Variants in NEDD4L observed in about 807,000 individuals in gnomAD.
NEDD4L encodes the protein E3 ubiquitin-protein ligase NEDD4-like.
NEDD4L carries 54 observed loss-of-function variants against 148.9 expected under a neutral mutation model. The ratio of observed to expected loss-of-function variants is 0.36; its 90% CI spans 0.29 to 0.45. The LOEUF (loss-of-function observed/expected upper bound fraction) is 0.45, where lower values mean the gene tolerates loss of function less well. Among genes scored for constraint, NEDD4L ranks in the 20% least tolerant of loss-of-function variants. The pLI, the probability that NEDD4L is intolerant of heterozygous loss-of-function variation, is 1.00. For synonymous variants in NEDD4L, 433 were observed against 440.7 expected (o/e 0.98, Z 0.22); for missense variants, 856 against 1,233.8 (o/e 0.69, Z 4.59).
At chr18:58,374,918 T>TA (rs1459178281) in intron 24 of NEDD4L, among the ~76,000 whole-genome samples, 1 of 152,124 alleles carries the variant, frequency 6.6e-6, no homozygotes, top group Non-Finnish European at 1.5e-5. Context: ...ACCAGCCTCT[T>TA]ATCTCAGGCC....
chr18:58,270,093 CA>C (rs1459287736), intron 5 of NEDD4L, among the ~76,000 whole-genome samples: 1 of 152,150 alleles, frequency 6.6e-6, no homozygotes, highest in East Asian at 1.9e-4. Flanking sequence ...TCTTGTGTGC[CA>C]ATACCACTTT....
At chr18:58,276,708 AT>A (rs202224942) in intron 5 of NEDD4L, among the ~76,000 whole-genome samples, 36,926 of 149,572 alleles carry the variant, frequency 0.25, 5,475 homozygotes, top group African/African-American at 0.41. Context: ...TATTATTATT[AT>A]TATTAATAAA....
Position 58,365,633 on chromosome 18 carries a change from T to A in NEDD4L, c.1834-366T>A, listed in dbSNP as rs183426286. On this transcript the variant is annotated intron_variant, in intron 20 of 30. Transcript: ENST00000400345. ...TGGCCAGGTGGGGATTATTACAGGT[T>A]TTGACTACCTGGGCTAAAGTCTCTT... Among the ~76,000 whole-genome samples the A allele has an allele frequency of 7.3e-4, 111 of 152,310 alleles. 3 individuals carry two copies. The East Asian group carries it at 0.019, about 25-fold the overall frequency.
chr18:58,368,448 A>C (rs1042273205), intron 22 of NEDD4L, among the ~76,000 whole-genome samples: 1 of 152,228 alleles, frequency 6.6e-6, no homozygotes, highest in South Asian at 2.1e-4. Flanking sequence ...GAGACTTCTA[A>C]AAGATTTGGC....
At position 58,343,546 on chromosome 18, in the gene NEDD4L, A is replaced by G. The variant is rs537741476; in HGVS notation, c.1575+443A>G. Among the ~76,000 whole-genome samples the G allele has an allele frequency of 9.3e-4, 142 of 152,306 alleles. 3 individuals carry two copies. In the South Asian group the frequency reaches 0.028, roughly 30 times the overall value. ...TGTCGCTTTAGTTTTTACCGTTCAC[A>G]TCAGATCAGTATTCACACATCTGAG... On this transcript the variant is annotated intron_variant, in intron 16 of 30. Coordinates refer to ENST00000400345, the MANE Select transcript of NEDD4L (RefSeq NM_001144967.3).
chr18:58,094,749 G>A (rs1023135093), intron 1 of NEDD4L, among the ~76,000 whole-genome samples: 5 of 152,186 alleles, frequency 3.3e-5, no homozygotes, highest in Admixed American at 2.0e-4. Flanking sequence ...ATGGCATGGA[G>A]GAGCCTGACT....
At chr18:58,390,905 A>G (rs960249168) in intron 29 of NEDD4L, among the ~76,000 whole-genome samples, 163 bp downstream of exon 29, 4 of 151,944 alleles carry the variant, frequency 2.6e-5, no homozygotes, top group African/African-American at 4.8e-5. Context: ...ACTGTTATCT[A>G]TACTTTATAT....
At chr18:58,315,131 C>T (rs8087044) in intron 5 of NEDD4L, among the ~76,000 whole-genome samples, 61 of 151,830 alleles carry the variant, frequency 4.0e-4, no homozygotes, top group African/African-American at 1.4e-3. Flanking sequence ...CCAGCTGCAT[C>T]TTTTTATATG....
chr18:58,109,582 T>G (rs1441244137), intron 1 of NEDD4L, among the ~76,000 whole-genome samples: 13 of 148,428 alleles, frequency 8.8e-5, no homozygotes, highest in Non-Finnish European at 1.8e-4. Flanking sequence ...GTTTTTTTTT[T>G]TTTTTTTGAG....
At chr18:58,246,362 A>G (rs2047262379) in intron 3 of NEDD4L, among the ~76,000 whole-genome samples, 1 of 152,222 alleles carries the variant, frequency 6.6e-6, no homozygotes, top group Non-Finnish European at 1.5e-5. Flanking sequence ...TAGAGAAAAT[A>G]TATTAATAAT....
chr18:58,400,177 G>T lies in NEDD4L; in HGVS notation c.*3908G>T, dbSNP rs913717651. On this transcript the variant is annotated 3_prime_UTR_variant, in exon 31 of 31. Coordinates refer to ENST00000400345, the MANE Select transcript of NEDD4L (RefSeq NM_001144967.3). ...ATTTGCTGCCTCGCCAGTAGAGGGT[G>T]CCGCTGTGCAGGGTAACTGCCCGCC... is the stretch of plus-strand genomic sequence containing the variant. 6.6e-6 allele frequency: 1 copy of T among 152,288 alleles called. No homozygotes were observed. The highest frequency in any genetic ancestry group is 6.5e-5 in the Admixed American group (1 of 15,278). 9.4% of individuals were successfully genotyped at this position (152,288 alleles called of 1,614,324 possible).
chr18:58,291,113 G>A (rs568791890), intron 5 of NEDD4L, among the ~76,000 whole-genome samples: 16 of 150,956 alleles, frequency 1.1e-4, no homozygotes, highest in East Asian at 3.9e-4. Context: ...GAACCAGGCC[G>A]ACCGACCCAC....
chr18:58,356,697 T>G (rs1287100875), intron 18 of NEDD4L, among the ~76,000 whole-genome samples: 1 of 152,212 alleles, frequency 6.6e-6, no homozygotes, highest in Admixed American at 6.5e-5. Context: ...GAGTGACGCA[T>G]GTAATAGATT....
chr18:58,044,741 C>G lies in NEDD4L; in HGVS notation c.48+33C>G. 5 of 1,599,164 alleles carry G rather than the reference C, an allele frequency of 3.1e-6. 1 individual carries two copies. Among genetic ancestry groups the G allele is most frequent in the South Asian group, 2.2e-5 (2 of 89,340 alleles). On this transcript the variant is annotated intron_variant, in intron 1 of 30. Transcript: ENST00000400345. ...GCACCCCCTTCCTGCTCGGGACTCC[C>G]CGGGGAGTTCCTATCCCGCGCCGGC...
At chr18:58,394,725 T>C (rs537437424) in intron 30 of NEDD4L, among the ~76,000 whole-genome samples, 3 of 152,360 alleles carry the variant, frequency 2.0e-5, no homozygotes, top group East Asian at 1.9e-4. Flanking sequence ...GTGGGACTTA[T>C]TCAATATTTA....
chr18:58,303,725 C>T (rs1449973722), intron 5 of NEDD4L, among the ~76,000 whole-genome samples: 1 of 152,198 alleles, frequency 6.6e-6, no homozygotes, highest in Non-Finnish European at 1.5e-5. Context: ...TCAAATTAAG[C>T]CATCCTGACC....
At chr18:58,227,185 A>G (rs1374010811) in intron 2 of NEDD4L, among the ~76,000 whole-genome samples, 1 of 152,226 alleles carries the variant, frequency 6.6e-6, no homozygotes, top group Admixed American at 6.5e-5. Context: ...GGTAAAATGT[A>G]GGCTCCGCAG....
intron 1 of NEDD4L, among the ~76,000 whole-genome samples, chr18:58,072,905 CAA>C (rs35459784): frequency 2.7e-5 from 4 of 147,966 alleles, no homozygotes; most frequent in Admixed American, 2.7e-4. Context: ...CACACACACA[CAA>C]ATCTTGAACT....
At chr18:58,051,723 T>C (rs1321155950) in intron 1 of NEDD4L, among the ~76,000 whole-genome samples, 1 of 152,216 alleles carries the variant, frequency 6.6e-6, no homozygotes, top group African/African-American at 2.4e-5. Flanking sequence ...GGTATTTGAA[T>C]AAGTGGGTCT....
Sources: gnomAD v4.1 joint callset for allele counts (sites outside exome capture counted in the v4.1 genomes callset) on GRCh38, gnomAD v4.1.1 for gene constraint, MANE v1.5 for transcripts, NCBI Gene and HGNC (gene_info 2026-07-23, HGNC 2026-07-21) for gene names.